The following PCDH15 variants were observed in gnomAD, a reference collection of about 807,000 sequenced individuals.
PCDH15 encodes protocadherin-15.
Under a neutral mutation model 178.5 loss-of-function variants are expected in PCDH15, and 129 were observed. The observed-to-expected ratio is 0.72, with a 90% CI of 0.63 to 0.84. PCDH15 has a LOEUF of 0.84. Among genes scored for constraint, PCDH15 ranks in the 40% least tolerant of loss-of-function variants. The probability of loss-of-function intolerance (pLI) is 0.00; values close to 1 mark genes in which losing one functional copy is unlikely to be tolerated. For missense variants in PCDH15, 2,230 were observed against 2,099.9 expected (o/e 1.06, Z -1.21); for synonymous variants, 800 against 732.0 (o/e 1.09, Z -1.50).
intron 1 of PCDH15, among the ~76,000 whole-genome samples, chr10:55,166,830 A>G (rs1332047308): frequency 2.0e-5 from 3 of 152,180 alleles, no homozygotes; most frequent in African/African-American, 2.4e-5. Flanking sequence ...AATCTTAAAT[A>G]TAAGTTTGGA....
intron 16 of PCDH15, 31 bp from the exon 17 acceptor site, chr10:54,079,455 A>C: frequency 2.5e-6 from 4 of 1,577,640 alleles, no homozygotes; most frequent in Non-Finnish European, 3.5e-6. Flanking sequence ...CAAATAAGAC[A>C]AAAAGAGATA....
chr10:55,144,901 T>A (rs939844878), intron 2 of PCDH15, among the ~76,000 whole-genome samples: 3 of 151,964 alleles, frequency 2.0e-5, no homozygotes, highest in African/African-American at 7.2e-5. Flanking sequence ...CTTCACATAT[T>A]TTTTTCCAAG....
chr10:55,462,044 A>G (rs1434830102), intron 2 of PCDH15, among the ~76,000 whole-genome samples: 2 of 152,078 alleles, frequency 1.3e-5, no homozygotes, highest in Non-Finnish European at 2.9e-5. Flanking sequence ...GGGTTTTTTT[A>G]CAATATGAGA....
chr10:54,787,756 C>T (rs1234982461), intron 1 of PCDH15, among the ~76,000 whole-genome samples: 1 of 151,942 alleles, frequency 6.6e-6, no homozygotes, highest in Non-Finnish European at 1.5e-5. Context: ...ACAGATTCAA[C>T]TAGCAAAGCC....
At chr10:55,161,576 A>G (rs1839068223) in intron 2 of PCDH15, among the ~76,000 whole-genome samples, 1 of 152,168 alleles carries the variant, frequency 6.6e-6, no homozygotes, top group African/African-American at 2.4e-5. Context: ...CTTGCCCTTT[A>G]TAGAAAAACT....
At chr10:54,278,869 A>G (rs1019159511) in intron 8 of PCDH15, among the ~76,000 whole-genome samples, 1 of 151,614 alleles carries the variant, frequency 6.6e-6, no homozygotes, top group Non-Finnish European at 1.5e-5. Context: ...GTACTTTACA[A>G]ATCTGCACTT....
At chr10:54,535,882 A>G (rs2084465258) in intron 2 of PCDH15, among the ~76,000 whole-genome samples, 1 of 152,124 alleles carries the variant, frequency 6.6e-6, no homozygotes, top group Non-Finnish European at 1.5e-5. Flanking sequence ...AGTTTTATGT[A>G]AATACATTGT....
At chr10:54,931,361 T>C (rs1016589634) in intron 2 of PCDH15, among the ~76,000 whole-genome samples, 1 of 152,200 alleles carries the variant, frequency 6.6e-6, no homozygotes, top group African/African-American at 2.4e-5. Flanking sequence ...AACCTCTATA[T>C]TCCAAAGCAA....
chr10:55,398,485 G>A (rs1837982280), intron 2 of PCDH15, among the ~76,000 whole-genome samples: 1 of 152,066 alleles, frequency 6.6e-6, no homozygotes, highest in Non-Finnish European at 1.5e-5. Context: ...TAGTTGCAAG[G>A]TTTCTTTTTT....
intron 2 of PCDH15, among the ~76,000 whole-genome samples, chr10:55,586,508 G>T (rs1842729303): frequency 6.6e-6 from 1 of 151,984 alleles, no homozygotes; most frequent in South Asian, 2.1e-4. Context: ...TTTGAGGTTG[G>T]TGATAATTGC....
chr10:54,374,389 G>T (rs1331777159), intron 4 of PCDH15, among the ~76,000 whole-genome samples: 1 of 151,940 alleles, frequency 6.6e-6, no homozygotes, highest in Non-Finnish European at 1.5e-5. Flanking sequence ...TTAAAATTTT[G>T]CCCAGGATTT....
At chr10:54,239,740 T>C (rs1048969004) in intron 8 of PCDH15, among the ~76,000 whole-genome samples, 3 of 152,070 alleles carry the variant, frequency 2.0e-5, no homozygotes, top group Non-Finnish European at 4.4e-5. Context: ...TTAAATAACT[T>C]ATCAGAATTG....
intron 26 of PCDH15, among the ~76,000 whole-genome samples, chr10:53,878,997 AC>A (rs2080491906): frequency 6.6e-6 from 1 of 152,186 alleles, no homozygotes; most frequent in South Asian, 2.1e-4. Context: ...AGTGCCTGGT[AC>A]AAAGTAAACC....
intron 13 of PCDH15, among the ~76,000 whole-genome samples, chr10:54,177,978 A>AGT (rs1180814454): frequency 6.6e-6 from 1 of 152,116 alleles, no homozygotes; most frequent in African/African-American, 2.4e-5. Context: ...TTGGGAGACA[A>AGT]GTATATATAG....
intron 2 of PCDH15, among the ~76,000 whole-genome samples, chr10:55,021,354 A>G (rs1345498506): frequency 2.0e-5 from 3 of 152,154 alleles, no homozygotes; most frequent in Non-Finnish European, 4.4e-5. Flanking sequence ...TCTCACATTA[A>G]CTACTGTTAT....
At chr10:55,112,754 C>G (rs1397812686) in intron 2 of PCDH15, among the ~76,000 whole-genome samples, 2 of 152,082 alleles carry the variant, frequency 1.3e-5, no homozygotes, top group African/African-American at 2.4e-5. Flanking sequence ...GGGATAGAGG[C>G]AACAAGCAAG....
At chr10:54,084,430 A>G (rs1450179440) in intron 16 of PCDH15, among the ~76,000 whole-genome samples, 1 of 151,690 alleles carries the variant, frequency 6.6e-6, no homozygotes, top group Admixed American at 6.6e-5. Context: ...CCGAGACCAT[A>G]CCACAGCTCT....
intron 3 of PCDH15, among the ~76,000 whole-genome samples, chr10:54,395,297 A>G (rs1194662399): frequency 2.0e-5 from 3 of 151,924 alleles, no homozygotes; most frequent in Admixed American, 6.6e-5. Context: ...TTCACAATCT[A>G]CGTTCTTCTG....
intron 3 of PCDH15, among the ~76,000 whole-genome samples, chr10:54,814,570 G>GT (rs1952918792): frequency 6.6e-6 from 1 of 152,130 alleles, no homozygotes; most frequent in Non-Finnish European, 1.5e-5. Context: ...TAAATGACAA[G>GT]TCCTTATTGT....
Sources: gnomAD v4.1 joint callset for allele counts (sites outside exome capture counted in the v4.1 genomes callset) on GRCh38, gnomAD v4.1.1 for gene constraint, MANE v1.5 for transcripts, NCBI Gene and HGNC (gene_info 2026-07-23, HGNC 2026-07-21) for gene names.